Variants in PODN observed in about 807,000 individuals in gnomAD.
PODN encodes the protein podocan, also known as podocan proteoglycan.
A neutral mutation model predicts 52.7 loss-of-function variants in PODN; 40 were observed. The observed-to-expected ratio is 0.76, with a 90% confidence interval of 0.59 to 0.99. PODN has a LOEUF of 0.99. PODN is among the 50% of genes least tolerant of loss of function. The pLI, the probability that PODN is intolerant of heterozygous loss-of-function variation, is 0.00. For missense variants in PODN, 720 were observed against 815.1 expected, an observed-to-expected ratio of 0.88 and a Z score of 1.42; for synonymous variants, 396 against 377.9, an observed-to-expected ratio of 1.05 and a Z score of -0.56.
chr1:53,070,015 C>G lies in PODN; in HGVS notation c.160C>G (p.Leu54Val), dbSNP rs77859237. The part of the protein sequence containing the change: ...EFAEEEPVLV[L>V]SPEEPGPGPA... Reference sequence around the variant, plus strand: ...TGCGGAGGAGGAGCCGGTGCTGGTACTGAGCCCTGAGGAGCCCGGGCCTGG... The same window carrying G: ...TGCGGAGGAGGAGCCGGTGCTGGTAGTGAGCCCTGAGGAGCCCGGGCCTGG... Residue 54 changes from leucine (L) to valine (V), a missense_variant, in exon 2 of 11, where the codon CTG becomes GTG. Physicochemically the swap from Leu to Val is conservative, Grantham distance 32 (BLOSUM62 1). Transcript: ENST00000312553. The G allele has an allele frequency of 3.7e-6, 6 of 1,612,858 alleles. No individual in the cohort carries two copies. The East Asian group carries it at 1.1e-4, about 30-fold the overall frequency.
intron 8 of PODN, 155 bp from the exon 9 acceptor site, chr1:53,080,573 C>A: frequency 1.3e-6 from 1 of 762,064 alleles, no homozygotes; most frequent in South Asian, 1.9e-5. Context: ...CCTCTATTTC[C>A]CAATCTGGGA....
At chr1:53,069,396 G>A (rs771318786) in intron 1 of PODN, among the ~76,000 whole-genome samples, 3 of 152,234 alleles carry the variant, frequency 2.0e-5, no homozygotes, top group Non-Finnish European at 4.4e-5. Flanking sequence ...TGAGAATGGC[G>A]AGCTGGAGAG....
intron 1 of PODN, among the ~76,000 whole-genome samples, chr1:53,064,380 G>A (rs547859010): frequency 6.6e-6 from 1 of 152,372 alleles, no homozygotes; most frequent in East Asian, 1.9e-4. Context: ...CTAGGGATGG[G>A]CAGCAATGCC....
intron 2 of PODN, chr1:53,071,251 T>C (rs1348921107): frequency 3.3e-6 from 1 of 307,100 alleles, no homozygotes; most frequent in Non-Finnish European, 6.0e-6. Context: ...GGAGCACGCC[T>C]GGAGGAGATA....
In PODN at chr1:53,077,360, G is replaced by A. The variant is rs778972283; in HGVS notation, c.738+14G>A. 2.5e-6 allele frequency: 4 copies of A among 1,612,300 alleles called. No homozygotes were observed. The South Asian group carries it at 3.3e-5, about 13-fold the overall frequency. On this transcript the variant is annotated intron_variant, in intron 6 of 10. Coordinates refer to ENST00000312553, the MANE Select transcript of PODN (RefSeq NM_153703.5). ...CTGCACCTCAAGGTGGGCAGGGGAG[G>A]GGTAAGGAGGGGCACAGCAGACCCC...
At chr1:53,074,767 C>G (rs538166206) in intron 4 of PODN, 97 bp downstream of exon 4, 5 of 1,053,592 alleles carry the variant, frequency 4.7e-6, no homozygotes, top group South Asian at 4.0e-5. Context: ...TTTCTGGACT[C>G]CCTGCTGGGT....
At chr1:53,068,419 C>T (rs1312589572) in intron 1 of PODN, among the ~76,000 whole-genome samples, 1 of 152,142 alleles carries the variant, frequency 6.6e-6, no homozygotes, top group Admixed American at 6.5e-5. Flanking sequence ...AGTGAATGTC[C>T]CCCGTGCTGG....
Position 53,071,580 on chromosome 1 carries a change from C to T in PODN, c.358C>T (p.His120Tyr). Residue 120 changes from histidine to tyrosine, a missense_variant, in exon 3 of 11, where the codon CAC becomes TAC. His to Tyr is a moderately conservative substitution (Grantham distance 83, BLOSUM62 2). Coordinates refer to ENST00000312553, the MANE Select transcript of PODN (RefSeq NM_153703.5). Reference sequence around the variant, plus strand: ...CTACCCTGAGGAGCTCTCCCGGCTGCACCGGCTGGAGACGCTGAACCTGCA... The same window carrying T: ...CTACCCTGAGGAGCTCTCCCGGCTGTACCGGCTGGAGACGCTGAACCTGCA... ...KIYPEELSRL[H>Y]RLETLNLQNN... The T allele has an allele frequency of 1.2e-6, 2 of 1,614,012 alleles. No homozygotes were observed. Among genetic ancestry groups the T allele is most frequent in the Non-Finnish European group, 1.7e-6 (2 of 1,180,000 alleles).
chr1:53,073,393 T>C (rs564952627), intron 3 of PODN: 2 of 152,642 alleles, frequency 1.3e-5, no homozygotes, highest in African/African-American at 4.8e-5. Context: ...ATTGACATAG[T>C]GATTGGTTGA....
intron 10 of PODN, among the ~76,000 whole-genome samples, chr1:53,082,518 C>T (rs1388351480): frequency 6.6e-6 from 1 of 152,142 alleles, no homozygotes; most frequent in Non-Finnish European, 1.5e-5. Flanking sequence ...GAAACAATCA[C>T]TCAAGCTGCA....
chr1:53,078,625 A>G lies in PODN; in HGVS notation c.1115A>G (p.Glu372Gly), dbSNP rs1390592189. ...HTVHLYNNAL[E>G]RVPSGLPRRV... is the part of the protein sequence containing the mutation. ...GTGCACCTGTACAACAACGCGCTGG[A>G]GCGCGTGCCCAGTGGCCTGCCTCGC... Residue 372 changes from glutamate to glycine, a missense_variant, in exon 8 of 11, where the codon GAG (glutamate) becomes GGG (glycine). Transcript: ENST00000312553. The G allele has an allele frequency of 1.9e-6, 3 of 1,612,928 alleles. No individual in the cohort carries two copies. In the East Asian group the frequency reaches 6.7e-5, roughly 36 times the overall value.
At chr1:53,081,028 C>G (rs761532733) in intron 9 of PODN, 152 bp downstream of exon 9, 95 of 1,063,896 alleles carry the variant, frequency 8.9e-5, no homozygotes, top group African/African-American at 8.0e-5. Context: ...TGGCCAGGCC[C>G]GATATGGTTC....
chr1:53,063,402 G>A (rs1469353474), intron 1 of PODN: 1 of 985,632 alleles, frequency 1.0e-6, no homozygotes, highest in African/African-American at 1.7e-5. Context: ...CCTGCTCCAC[G>A]AGGCGCCACT....
At chr1:53,072,258 T>C (rs1644130754) in intron 3 of PODN, among the ~76,000 whole-genome samples, 1 of 152,168 alleles carries the variant, frequency 6.6e-6, no homozygotes, top group Admixed American at 6.5e-5. Flanking sequence ...AAAATATAAT[T>C]CTGCAATTAC....
At position 53,080,778 on chromosome 1, in the gene PODN, C is replaced by T. The variant is rs758940588; in HGVS notation, c.1563C>T (p.Pro521=). ...NQLTEIPEGL[P]ESLEYLYLQN... ...TCACAGAGATCCCCGAGGGGCTCCC[C>T]GAGTCACTTGAGTACCTGTACCTGC... The change falls in exon 9 of 11, where the codon CCC becomes CCT. Residue 521 remains proline (P), a synonymous_variant. Transcript: ENST00000312553. 20 of 1,613,990 alleles carry T rather than the reference C, an allele frequency of 1.2e-5. No homozygotes were observed. The East Asian group carries it at 1.3e-4, about 11-fold the overall frequency.
chr1:53,063,389 T>G (rs1211368379), intron 1 of PODN: 1 of 985,632 alleles, frequency 1.0e-6, no homozygotes, highest in East Asian at 1.1e-4. Flanking sequence ...AGCTGTGGTC[T>G]GCCCTGCTCC....
chr1:53,065,981 A>C (rs557133933), intron 1 of PODN, among the ~76,000 whole-genome samples: 132 of 149,590 alleles, frequency 8.8e-4, no homozygotes, highest in African/African-American at 3.2e-3. Context: ...TGCAATGCAA[A>C]ATTTTCTAGA....
In PODN at chr1:53,082,128, AGAGGAG is replaced by A; in HGVS notation, c.1821_1826del (p.Glu610_Glu611del). On this transcript the variant is annotated inframe_deletion, in exon 10 of 11. Coordinates refer to ENST00000312553, the MANE Select transcript of PODN (RefSeq NM_153703.5). ...TGGGGAAGGAAAAGGAGGAGGAGGA[AGAGGAG>A]GAGGAGGAGGAAGAGGAAACAAGAT... is the stretch of plus-strand genomic sequence containing the variant. 1.2e-6 allele frequency: 2 copies of A among 1,610,368 alleles called. No individual in the cohort carries two copies. The highest frequency in any genetic ancestry group is 1.7e-6 in the Non-Finnish European group (2 of 1,179,128).
chr1:53,071,772 G>C, intron 3 of PODN, 144 bp downstream of exon 3: 2 of 774,304 alleles, frequency 2.6e-6, no homozygotes, highest in Non-Finnish European at 4.1e-6. Context: ...CAGGCTAGCA[G>C]TGGGGCTGCA....
Sources: gnomAD v4.1 joint callset for allele counts (sites outside exome capture counted in the v4.1 genomes callset) on GRCh38, gnomAD v4.1.1 for gene constraint, MANE v1.5 for transcripts, NCBI Gene and HGNC (gene_info 2026-07-23, HGNC 2026-07-21) for gene names.